The following CSMD1 variants were observed in gnomAD, a reference collection of about 807,000 sequenced individuals.
CSMD1 encodes the protein CUB and Sushi multiple domains 1.
A neutral mutation model predicts 417.5 loss-of-function variants in CSMD1; 213 were observed. The observed-to-expected ratio is 0.51, with a 90% CI of 0.46 to 0.57. The LOEUF is 0.57. CSMD1 is among the 20% of genes least tolerant of loss of function. The probability of loss-of-function intolerance (pLI) is 0.00; values close to 1 mark genes in which losing one functional copy is unlikely to be tolerated. For missense variants in CSMD1, 6,923 were observed against 4,529.7 expected, an observed-to-expected ratio of 1.53 and a Z score of -15.17; for synonymous variants, 2,862 against 1,736.8, an observed-to-expected ratio of 1.65 and a Z score of -16.11.
chr8:4,264,722 G>C (rs73500617), intron 3 of CSMD1, among the ~76,000 whole-genome samples: 18,841 of 151,988 alleles, frequency 0.12, 1,684 homozygotes, highest in African/African-American at 0.26. Context: ...CTGATTAACT[G>C]CCCAGGGGTA....
chr8:3,780,561 A>G (rs1010467188), intron 5 of CSMD1, among the ~76,000 whole-genome samples: 2 of 152,130 alleles, frequency 1.3e-5, no homozygotes, highest in Non-Finnish European at 2.9e-5. Flanking sequence ...ACAAACTACT[A>G]TTTTCAAATT....
At chr8:4,621,836 C>G (rs1486418584) in intron 2 of CSMD1, among the ~76,000 whole-genome samples, 2 of 151,782 alleles carry the variant, frequency 1.3e-5, no homozygotes, top group South Asian at 2.1e-4. Context: ...ACCTTACGAC[C>G]AAGTAGGCTG....
rs763533246 is a variant in CSMD1 at position 3,387,694 on chromosome 8, G to A, written c.2594-12C>T. 6.3e-6 allele frequency: 10 copies of A among 1,584,102 alleles called. No homozygotes were observed. The South Asian group carries it at 9.2e-5, about 15-fold the overall frequency. On this transcript the variant is annotated splice_polypyrimidine_tract_variant and intron_variant, in intron 17 of 69. Transcript: ENST00000635120. ...CTCAAGCGTCACACCTGGATGCACAGAACGAATGCAGTCGATGAGGATCTT... is the reference window on the plus strand; with the variant it reads ...CTCAAGCGTCACACCTGGATGCACAAAACGAATGCAGTCGATGAGGATCTT...
chr8:4,017,534 G>A lies in CSMD1; in HGVS notation c.610+14371C>T, dbSNP rs367925491. 3.5e-4 allele frequency among the ~76,000 whole-genome samples: 54 copies of A among 152,212 alleles called. 1 individual carries two copies. In the Middle Eastern group the frequency reaches 0.014, roughly 38 times the overall value. Reference sequence around the variant, plus strand: ...TTGGTCAGGCTGGTCTCGAACTCCCGATCTCAGATGATCCACCCACCTTGG... The same window carrying A: ...TTGGTCAGGCTGGTCTCGAACTCCCAATCTCAGATGATCCACCCACCTTGG... On this transcript the variant is annotated intron_variant, in intron 4 of 69. Transcript: ENST00000635120.
chr8:3,842,724 T>C (rs968272613), intron 5 of CSMD1, among the ~76,000 whole-genome samples: 4 of 152,086 alleles, frequency 2.6e-5, no homozygotes, highest in Non-Finnish European at 5.9e-5. Flanking sequence ...AAAAAATGTG[T>C]CAAGATTAAA....
intron 7 of CSMD1, among the ~76,000 whole-genome samples, chr8:3,640,627 G>A (rs547045734): frequency 2.0e-4 from 31 of 152,248 alleles, no homozygotes; most frequent in South Asian, 1.2e-3. Context: ...GACCTCAGTC[G>A]TCCTGCTACG....
chr8:3,702,657 C>G (rs985307422), intron 7 of CSMD1, among the ~76,000 whole-genome samples: 1 of 152,146 alleles, frequency 6.6e-6, no homozygotes, highest in Non-Finnish European at 1.5e-5. Flanking sequence ...ATGGTGAAAC[C>G]CCATATCTAC....
At chr8:4,325,534 C>T (rs998993063) in intron 3 of CSMD1, among the ~76,000 whole-genome samples, 5 of 152,170 alleles carry the variant, frequency 3.3e-5, no homozygotes, top group Admixed American at 6.5e-5. Context: ...CATGAATATC[C>T]ATGGCAACCA....
chr8:4,468,063 CCT>C (rs1800297337), intron 2 of CSMD1, among the ~76,000 whole-genome samples: 1 of 150,942 alleles, frequency 6.6e-6, no homozygotes, highest in Admixed American at 6.6e-5. Context: ...CCTGTCCGTC[CCT>C]GTCTTCTGAA....
chr8:4,204,559 T>C (rs1799867088), intron 3 of CSMD1, among the ~76,000 whole-genome samples: 1 of 152,194 alleles, frequency 6.6e-6, no homozygotes, highest in Admixed American at 6.5e-5. Context: ...ATGACACCTT[T>C]TCTATACTGA....
At chr8:3,827,775 A>C (rs1180762900) in intron 5 of CSMD1, among the ~76,000 whole-genome samples, 1 of 152,162 alleles carries the variant, frequency 6.6e-6, no homozygotes, top group Non-Finnish European at 1.5e-5. Flanking sequence ...TTGGGAAAAG[A>C]CTATCCTATA....
intron 6 of CSMD1, among the ~76,000 whole-genome samples, chr8:3,726,003 C>G (rs2720809): frequency 3.3e-5 from 5 of 152,134 alleles, no homozygotes; most frequent in African/African-American, 7.2e-5. Context: ...GACCGGGTCA[C>G]TGCAAGTTCC....
intron 3 of CSMD1, among the ~76,000 whole-genome samples, chr8:4,113,876 G>C (rs1223957229): frequency 6.6e-6 from 1 of 152,192 alleles, no homozygotes; most frequent in Non-Finnish European, 1.5e-5. Context: ...TGAAGGCTGA[G>C]AGAGGTAAGG....
At chr8:3,216,542 C>A (rs1797890907) in intron 29 of CSMD1, among the ~76,000 whole-genome samples, 1 of 152,170 alleles carries the variant, frequency 6.6e-6, no homozygotes, top group African/African-American at 2.4e-5. Context: ...CAACTTTCTT[C>A]TTTATGCCAC....
intron 7 of CSMD1, among the ~76,000 whole-genome samples, chr8:3,671,661 C>T (rs1487101453): frequency 6.7e-6 from 1 of 148,486 alleles, no homozygotes; most frequent in Non-Finnish European, 1.5e-5. Context: ...CAAGCCTCTG[C>T]CTTGCTTTAA....
chr8:4,185,507 A>T (rs917853096), intron 3 of CSMD1, among the ~76,000 whole-genome samples: 1 of 152,166 alleles, frequency 6.6e-6, no homozygotes, highest in African/African-American at 2.4e-5. Flanking sequence ...CGAAAACACT[A>T]TTCTGCTAAT....
At chr8:4,319,059 A>G (rs1349524753) in intron 3 of CSMD1, among the ~76,000 whole-genome samples, 2 of 152,204 alleles carry the variant, frequency 1.3e-5, no homozygotes, top group Non-Finnish European at 1.5e-5. Context: ...CCAAATAAAC[A>G]TCTTTTACTT....
rs1340477587 is a variant in CSMD1 at position 3,219,406 on chromosome 8, G to A, written c.4521C>T (p.Ile1507=). 1.3e-6 allele frequency: 2 copies of A among 1,550,010 alleles called. No homozygotes were observed. The highest frequency in any genetic ancestry group is 2.4e-5 in the East Asian group (1 of 42,372). The change falls in exon 29 of 70, where the codon ATC becomes ATT. Residue 1507 remains isoleucine, a synonymous_variant. Transcript: ENST00000635120. The part of the protein sequence containing the change: ...NMEPSYDFLH[I]YEGEDSNSPL... ...GGCTGTTGGAATCTTCCCCTTCATAGATGTGTAGGAAGTCATAGCTGGGCT... is the reference window on the plus strand; with the variant it reads ...GGCTGTTGGAATCTTCCCCTTCATAAATGTGTAGGAAGTCATAGCTGGGCT...
At chr8:4,160,447 T>G (rs1797087367) in intron 3 of CSMD1, among the ~76,000 whole-genome samples, 1 of 152,164 alleles carries the variant, frequency 6.6e-6, no homozygotes, top group African/African-American at 2.4e-5. Context: ...AGAATATATT[T>G]CAATAAAGTA....
Sources: allele counts gnomAD v4.1 joint callset (sites outside exome capture counted in the v4.1 genomes callset), GRCh38; gene constraint gnomAD v4.1.1; transcripts MANE v1.5; gene names NCBI Gene and HGNC (gene_info 2026-07-23, HGNC 2026-07-21).